CUEDC1: variants seen among roughly 807,000 people sequenced by gnomAD.
CUEDC1 encodes the protein CUE domain containing 1.
CUEDC1 carries 30 observed loss-of-function variants against 43.7 expected under a neutral mutation model. The ratio of observed to expected loss-of-function variants is 0.69; its 90% CI spans 0.51 to 0.93. CUEDC1 has a LOEUF of 0.93. CUEDC1 is among the 40% of genes least tolerant of loss of function. CUEDC1 has a pLI of 0.00. For synonymous variants in CUEDC1, 223 were observed against 223.6 expected (o/e 1.00, Z 0.02); for missense variants, 486 against 549.0 (o/e 0.89, Z 1.15).
chr17:57,887,898 CTTTTTTTTTTTTT>C (rs748886251), intron 1 of CUEDC1, among the ~76,000 whole-genome samples: 2 of 118,024 alleles, frequency 1.7e-5, no homozygotes, highest in Non-Finnish European at 3.5e-5. Context: ...TTCTTTTTCT[CTTTTTTTTTTTTT>C]TTTTTTTTTG....
At chr17:57,946,883 C>A (rs1006016570) in intron 1 of CUEDC1, among the ~76,000 whole-genome samples, 1 of 152,136 alleles carries the variant, frequency 6.6e-6, no homozygotes, top group Non-Finnish European at 1.5e-5. Context: ...CCATCTCGGA[C>A]GCATCTTCTT....
In CUEDC1 at chr17:57,896,487, G is replaced by GT. The variant is rs2074409844; in HGVS notation, c.-315-10609_-315-10608insA. 4.6e-5 allele frequency among the ~76,000 whole-genome samples: 6 copies of GT among 130,372 alleles called. 1 individual carries two copies. Among genetic ancestry groups the GT allele is most frequent in the African/African-American group, 1.7e-4 (5 of 30,182 alleles). The allele number at this position is 130,372 out of a possible 152,430, so 85.5% of individuals were successfully genotyped here. ...GTCACTCTACTATAGTGCATTATGG[G>GT]GTGTGTGTGTGTGTGTGTGTGTGTG... On this transcript the variant is annotated intron_variant, in intron 1 of 10. Coordinates refer to ENST00000577830, the MANE Select transcript of CUEDC1 (RefSeq NM_001271875.2).
In CUEDC1 at chr17:57,866,768, T is replaced by C. The variant is rs1240412253; in HGVS notation, c.1094-224A>G. The C allele has an allele frequency of 5.5e-6, 3 of 541,496 alleles. No individual in the cohort carries two copies. The African/African-American group carries it at 5.7e-5, about 10-fold the overall frequency. 33.5% of individuals were successfully genotyped at this position (541,496 alleles called of 1,614,324 possible). On this transcript the variant is annotated intron_variant, in intron 9 of 10. Transcript: ENST00000577830. Reference sequence around the variant, plus strand: ...CTGAGCTCTGAGACCTTGGACAAGTTCTCCCCTCGTCTTTGGGCCTCAAAT... The same window carrying C: ...CTGAGCTCTGAGACCTTGGACAAGTCCTCCCCTCGTCTTTGGGCCTCAAAT...
intron 1 of CUEDC1, among the ~76,000 whole-genome samples, chr17:57,953,826 C>T (rs997381928): frequency 2.0e-5 from 3 of 152,182 alleles, no homozygotes; most frequent in Non-Finnish European, 4.4e-5. Context: ...TCCTGTTTCC[C>T]TTGTCCTGGC....
At chr17:57,903,675 A>G (rs1023137217) in intron 1 of CUEDC1, among the ~76,000 whole-genome samples, 2 of 151,856 alleles carry the variant, frequency 1.3e-5, no homozygotes, top group African/African-American at 4.8e-5. Flanking sequence ...GTATATGAAA[A>G]CCTATATAAT....
At chr17:57,864,498 G>A (rs1318466688) in intron 10 of CUEDC1, among the ~76,000 whole-genome samples, 1 of 152,092 alleles carries the variant, frequency 6.6e-6, no homozygotes, top group African/African-American at 2.4e-5. Flanking sequence ...TGGGGTCACA[G>A]GAGCCAAGGG....
chr17:57,873,311 T>C (rs998811058), intron 4 of CUEDC1, among the ~76,000 whole-genome samples: 19 of 152,078 alleles, frequency 1.2e-4, no homozygotes, highest in African/African-American at 4.6e-4. Context: ...CCCTCCACCA[T>C]TGGCCACCCC....
chr17:57,941,446 G>C (rs972161243), intron 1 of CUEDC1, among the ~76,000 whole-genome samples: 6 of 152,190 alleles, frequency 3.9e-5, no homozygotes, highest in Non-Finnish European at 7.3e-5. Context: ...GGGGCAAATG[G>C]AGCTCAAATC....
At chr17:57,890,202 A>G (rs1184636409) in intron 1 of CUEDC1, among the ~76,000 whole-genome samples, 1 of 152,230 alleles carries the variant, frequency 6.6e-6, no homozygotes, top group Non-Finnish European at 1.5e-5. Flanking sequence ...AAAAAATGCC[A>G]AGTAAGGCTC....
chr17:57,919,072 C>T (rs1475518982), intron 1 of CUEDC1, among the ~76,000 whole-genome samples: 2 of 151,584 alleles, frequency 1.3e-5, no homozygotes, highest in African/African-American at 4.9e-5. Context: ...AGGCTGGTCT[C>T]GAACTCCTGA....
chr17:57,915,418 C>A (rs575956612), intron 1 of CUEDC1, among the ~76,000 whole-genome samples: 11 of 151,980 alleles, frequency 7.2e-5, no homozygotes, highest in African/African-American at 2.7e-4. Flanking sequence ...TAAAGTCAAA[C>A]ACATCCTTTG....
intron 1 of CUEDC1, among the ~76,000 whole-genome samples, chr17:57,897,928 G>A (rs530381504): frequency 5.9e-5 from 9 of 152,216 alleles, no homozygotes; most frequent in South Asian, 2.1e-4. Context: ...CAGGAGAATC[G>A]CTTGAAACCA....
At chr17:57,931,573 G>C (rs2074804451) in intron 1 of CUEDC1, among the ~76,000 whole-genome samples, 1 of 152,082 alleles carries the variant, frequency 6.6e-6, no homozygotes, top group Admixed American at 6.5e-5. Context: ...GAGAGTTCCT[G>C]GGCAGAAGCT....
intron 1 of CUEDC1, among the ~76,000 whole-genome samples, chr17:57,923,781 A>G (rs948983993): frequency 1.3e-5 from 2 of 152,214 alleles, no homozygotes; most frequent in Non-Finnish European, 2.9e-5. Flanking sequence ...TCAACAAAAC[A>G]ATACTGACTG....
chr17:57,925,059 T>C (rs1176555971), intron 1 of CUEDC1, among the ~76,000 whole-genome samples: 2 of 150,788 alleles, frequency 1.3e-5, no homozygotes, highest in African/African-American at 2.4e-5. Flanking sequence ...ACCAAAAAGC[T>C]AGATTCAAAG....
chr17:57,873,181 C>T (rs1246889271), intron 4 of CUEDC1, among the ~76,000 whole-genome samples: 4 of 152,260 alleles, frequency 2.6e-5, no homozygotes, highest in Non-Finnish European at 5.9e-5. Flanking sequence ...ACTCAACCCT[C>T]TCCCTGCACC....
chr17:57,938,709 C>T (rs1418567447), intron 1 of CUEDC1, among the ~76,000 whole-genome samples: 2 of 152,004 alleles, frequency 1.3e-5, no homozygotes, highest in Non-Finnish European at 2.9e-5. Context: ...GTTGCACAGG[C>T]TGGAGTGCAG....
At chr17:57,951,282 T>C (rs2075004523) in intron 1 of CUEDC1, among the ~76,000 whole-genome samples, 1 of 152,168 alleles carries the variant, frequency 6.6e-6, no homozygotes, top group South Asian at 2.1e-4. Flanking sequence ...CTCTTTTAAC[T>C]CTTTCTAAAT....
intron 1 of CUEDC1, among the ~76,000 whole-genome samples, chr17:57,931,069 A>G (rs1165283296): frequency 6.6e-6 from 1 of 152,100 alleles, no homozygotes; most frequent in African/African-American, 2.4e-5. Context: ...CAGGCAGATT[A>G]CTCGAGCTCA....
Sources: allele counts gnomAD v4.1 joint callset (sites outside exome capture counted in the v4.1 genomes callset), GRCh38; gene constraint gnomAD v4.1.1; transcripts MANE v1.5; gene names NCBI Gene and HGNC (gene_info 2026-07-23, HGNC 2026-07-21).